The following ANKRD30B variants were observed in gnomAD, a reference collection of about 807,000 sequenced individuals.
ANKRD30B encodes ankyrin repeat domain 30B, also known as ankyrin repeat domain-containing protein 30B.
ANKRD30B carries 144 observed loss-of-function variants against 202.2 expected under a neutral mutation model. That is an observed-to-expected ratio of 0.71 (90% CI 0.62 to 0.82). The LOEUF is 0.82. Ranked by LOEUF, ANKRD30B falls within the 40% of genes least tolerant of loss-of-function variation. The pLI, the probability that ANKRD30B is intolerant of heterozygous loss-of-function variation, is 0.00. For synonymous variants in ANKRD30B, 508 were observed against 561.3 expected (o/e 0.91, Z 1.34); for missense variants, 1,487 against 1,669.1 (o/e 0.89, Z 1.90).
the ANKRD30B span, among the ~76,000 whole-genome samples, chr18:14,873,586 C>T: frequency 6.6e-6 from 1 of 151,080 alleles, no homozygotes; most frequent in Non-Finnish European, 1.5e-5. Context: ...AGTGTGAATC[C>T]TGGCTTCTGC....
At chr18:14,913,817 C>T in the ANKRD30B span, among the ~76,000 whole-genome samples, 3 of 152,336 alleles carry the variant, frequency 2.0e-5, no homozygotes, top group South Asian at 6.2e-4. Context: ...TACTCTCCCT[C>T]TCACAGTGTC....
At chr18:14,929,120 G>T in the ANKRD30B span, among the ~76,000 whole-genome samples, 1 of 152,212 alleles carries the variant, frequency 6.6e-6, no homozygotes, top group East Asian at 1.9e-4. Flanking sequence ...CTTCATCCAG[G>T]CTTTCCACCC....
chr18:14,809,962 T>C lies in ANKRD30B; in HGVS notation c.2387-24T>C. ...CTTTGTCAGGCTTGCATATAATCAA[T>C]TATATATGTCCCTTTTCTTTTAGAG... On this transcript the variant is annotated intron_variant, in intron 26 of 43. Coordinates refer to ENST00000690538, the MANE Select transcript of ANKRD30B (RefSeq NM_001367607.2). 2.1e-6 allele frequency: 3 copies of C among 1,406,810 alleles called. 1 individual carries two copies. Among genetic ancestry groups the C allele is most frequent in the Non-Finnish European group, 3.0e-6 (3 of 1,003,106 alleles). The allele number at this position is 1,406,810 out of a possible 1,614,324, so 87.1% of individuals were successfully genotyped here.
At chr18:14,919,719 A>G in the ANKRD30B span, among the ~76,000 whole-genome samples, 2,093 of 152,330 alleles carry the variant, frequency 0.014, 58 homozygotes, top group African/African-American at 0.048. Flanking sequence ...AAAAACTCTT[A>G]GTTATAAAAA....
chr18:14,758,425 C>T (rs1360428121), intron 5 of ANKRD30B, among the ~76,000 whole-genome samples: 1 of 152,206 alleles, frequency 6.6e-6, no homozygotes, highest in African/African-American at 2.4e-5. Context: ...TGTTGCTGCG[C>T]CGTTGCCATT....
the ANKRD30B span, among the ~76,000 whole-genome samples, chr18:14,894,407 C>T: frequency 2.0e-5 from 3 of 152,210 alleles, no homozygotes; most frequent in African/African-American, 7.2e-5. Flanking sequence ...TTTAGTGTCT[C>T]ACTACACAGA....
intron 16 of ANKRD30B, among the ~76,000 whole-genome samples, chr18:14,794,449 C>T (rs1968736880): frequency 1.3e-5 from 2 of 151,664 alleles, no homozygotes; most frequent in South Asian, 4.2e-4. Context: ...GTTACATACT[C>T]ATTTCCTATC....
At chr18:14,818,982 T>A (rs1297937488) in intron 30 of ANKRD30B, among the ~76,000 whole-genome samples, 1 of 152,154 alleles carries the variant, frequency 6.6e-6, no homozygotes, top group East Asian at 1.9e-4. Context: ...CCACCAACAG[T>A]GTCAAAGTGT....
At chr18:14,870,323 G>A in the ANKRD30B span, among the ~76,000 whole-genome samples, 6 of 152,228 alleles carry the variant, frequency 3.9e-5, no homozygotes, top group African/African-American at 7.2e-5. Context: ...GGGTGGTGAC[G>A]TCTGGGCAAG....
chr18:14,864,196 G>A, the ANKRD30B span, among the ~76,000 whole-genome samples: 10 of 149,796 alleles, frequency 6.7e-5, no homozygotes, highest in African/African-American at 2.2e-4. Flanking sequence ...TTAGCTGGGC[G>A]TCGTGGTGCA....
intron 33 of ANKRD30B, among the ~76,000 whole-genome samples, chr18:14,830,542 C>A: frequency 6.6e-6 from 1 of 152,158 alleles, no homozygotes; most frequent in East Asian, 1.9e-4. Context: ...AGGGAAGCAA[C>A]AAGGCCTTTT....
chr18:14,852,574 A>C (rs1971938019), intron 42 of ANKRD30B, 154 bp downstream of exon 42: 2 of 1,048,938 alleles, frequency 1.9e-6, no homozygotes, highest in East Asian at 6.0e-5. Context: ...CACCAAATGA[A>C]AGTGAAAGCT....
At chr18:14,749,749 A>G (rs543716620) in intron 1 of ANKRD30B, among the ~76,000 whole-genome samples, 4 of 151,834 alleles carry the variant, frequency 2.6e-5, no homozygotes, top group Non-Finnish European at 4.4e-5. Flanking sequence ...AATGAATACA[A>G]CAGAATAGAA....
At chr18:14,848,482 C>G in intron 39 of ANKRD30B, among the ~76,000 whole-genome samples, 1 of 152,038 alleles carries the variant, frequency 6.6e-6, no homozygotes, top group East Asian at 1.9e-4. Flanking sequence ...CAGTATCTAT[C>G]TGAATTTATA....
At chr18:14,790,336 T>C (rs1292613088) in intron 15 of ANKRD30B, among the ~76,000 whole-genome samples, 5 of 152,004 alleles carry the variant, frequency 3.3e-5, no homozygotes, top group Admixed American at 6.6e-5. Flanking sequence ...CATCTGCAAA[T>C]AGGGACAATT....
intron 5 of ANKRD30B, among the ~76,000 whole-genome samples, 183 bp downstream of exon 5, chr18:14,758,135 C>T (rs1364048422): frequency 6.6e-6 from 1 of 152,082 alleles, no homozygotes; most frequent in African/African-American, 2.4e-5. Flanking sequence ...CCTAGGGATC[C>T]TAATGTTGAC....
downstream of ANKRD30B, among the ~76,000 whole-genome samples, chr18:14,855,891 C>T (rs1713894): frequency 0.54 from 76,785 of 143,024 alleles, 19,658 homozygotes; most frequent in African/African-American, 0.55. Context: ...ACTTCCCAGA[C>T]GGGGCGGCTG....
At chr18:14,825,520 T>G (rs1970622217) in intron 32 of ANKRD30B, among the ~76,000 whole-genome samples, 1 of 151,864 alleles carries the variant, frequency 6.6e-6, no homozygotes, top group Non-Finnish European at 1.5e-5. Context: ...GGTATTTAGA[T>G]AAACTCCTCC....
chr18:14,926,810 T>C, the ANKRD30B span, among the ~76,000 whole-genome samples: 1 of 152,088 alleles, frequency 6.6e-6, no homozygotes, highest in Admixed American at 6.6e-5. Flanking sequence ...GCCTATAGTC[T>C]TAGCTGCTTG....
Sources: gnomAD v4.1 joint callset for allele counts (sites outside exome capture counted in the v4.1 genomes callset) on GRCh38, gnomAD v4.1.1 for gene constraint, MANE v1.5 for transcripts, NCBI Gene and HGNC (gene_info 2026-07-23, HGNC 2026-07-21) for gene names.